Variants in PLPP3 observed in about 807,000 individuals in gnomAD.
The protein encoded by PLPP3 is phospholipid phosphatase 3, also known as PAP2 beta.
A neutral mutation model predicts 29.6 loss-of-function variants in PLPP3; 6 were observed. That is an observed-to-expected ratio of 0.20 (90% CI 0.11 to 0.40). The LOEUF (loss-of-function observed/expected upper bound fraction) is 0.40. PLPP3 is among the 10% of genes least tolerant of loss of function. The pLI is 1.00. For missense variants in PLPP3, 308 were observed against 407.7 expected (o/e 0.76, Z 2.11); for synonymous variants, 152 against 159.7 (o/e 0.95, Z 0.36).
intron 1 of PLPP3, among the ~76,000 whole-genome samples, chr1:56,544,972 C>A (rs1645995290): frequency 6.6e-6 from 1 of 152,178 alleles, no homozygotes; most frequent in African/African-American, 2.4e-5. Flanking sequence ...TTTCTGAGCT[C>A]TTACATAAAT....
At chr1:56,518,715 T>TTACATATA (rs1553136508) in intron 4 of PLPP3, among the ~76,000 whole-genome samples, 1 of 126,668 alleles carries the variant, frequency 7.9e-6, no homozygotes, top group African/African-American at 2.8e-5. Context: ...TTTTAATCAT[T>TTACATATA]TATATATATA....
intron 1 of PLPP3, among the ~76,000 whole-genome samples, chr1:56,574,181 CAG>C (rs1646219392): frequency 6.9e-6 from 1 of 144,870 alleles, no homozygotes; most frequent in South Asian, 2.2e-4. Flanking sequence ...GCCTGGGTGA[CAG>C]AGAAGACTCT....
intron 1 of PLPP3, among the ~76,000 whole-genome samples, chr1:56,545,142 T>C (rs918527985): frequency 1.3e-5 from 2 of 152,200 alleles, no homozygotes; most frequent in Non-Finnish European, 2.9e-5. Context: ...ACAGGATTAA[T>C]TGCTTCTTTA....
chr1:56,537,015 A>C lies in PLPP3; in HGVS notation c.237T>G (p.Thr79=). The C allele has an allele frequency of 6.2e-7, 1 of 1,613,792 alleles. No individual in the cohort carries two copies. Among genetic ancestry groups the C allele is most frequent in the South Asian group, 1.1e-5 (1 of 91,072 alleles). The change falls in exon 2 of 6, where the codon ACT becomes ACG. Residue 79 remains threonine, a synonymous_variant. Transcript: ENST00000371250. ...NDESIKYPLK[T]GETINDAVLC... ...GCACAGCGTCATTTATTGTCTCACC[A>C]GTTTTCAGTGGGTACTTGATGCTCT...
rs1645622137 is a variant in PLPP3, at chr1:56,495,017, T to C, written c.*1534A>G. 6.6e-6 allele frequency: 1 copy of C among 152,642 alleles called. No homozygotes were observed. The highest frequency in any genetic ancestry group is 1.5e-5 in the Non-Finnish European group (1 of 68,046). The allele number at this position is 152,642 out of a possible 1,614,324, so 9.5% of individuals were successfully genotyped here. Reference sequence around the variant, plus strand: ...TAAAAAAATTAACTCAATGCTTTTTTAAGCAGCTAATGTAAATAACACAGG... The same window carrying C: ...TAAAAAAATTAACTCAATGCTTTTTCAAGCAGCTAATGTAAATAACACAGG... On this transcript the variant is annotated 3_prime_UTR_variant, in exon 6 of 6. Coordinates refer to ENST00000371250, the MANE Select transcript of PLPP3 (RefSeq NM_003713.5).
Position 56,523,748 on chromosome 1 carries a change from ATT to A in PLPP3, c.633+73_633+74del. The A allele has an allele frequency of 2.0e-6, 3 of 1,488,616 alleles. No homozygotes were observed. In the Admixed American group the frequency reaches 5.1e-5, roughly 25 times the overall value. The allele number at this position is 1,488,616 out of a possible 1,614,324, so 92.2% of individuals were successfully genotyped here. A position where few individuals can be genotyped will look rare whatever the true frequency, so the allele number is the denominator to read the frequency against. Reference sequence around the variant, plus strand: ...CACAGTGATGGCATGCCCCTAAACTATTTTGAGGGCTATCATATCAGAAGGGA... The same window carrying A: ...CACAGTGATGGCATGCCCCTAAACTATTGAGGGCTATCATATCAGAAGGGA... On this transcript the variant is annotated intron_variant, in intron 4 of 5. Transcript: ENST00000371250.
intron 1 of PLPP3, chr1:56,538,481 C>A: frequency 2.2e-6 from 1 of 445,758 alleles, no homozygotes; most frequent in Non-Finnish European, 4.4e-6. Flanking sequence ...AGAGGAGAGG[C>A]ACCCGATAGA....
At chr1:56,500,465 T>A (rs1035103308) in intron 5 of PLPP3, among the ~76,000 whole-genome samples, 23 of 152,136 alleles carry the variant, frequency 1.5e-4, no homozygotes, top group Non-Finnish European at 3.2e-4. Flanking sequence ...CAGTGAATGC[T>A]AGGATGTTAT....
intron 1 of PLPP3, among the ~76,000 whole-genome samples, chr1:56,565,770 T>TG (rs1646157490): frequency 6.6e-6 from 1 of 152,168 alleles, no homozygotes; most frequent in South Asian, 2.1e-4. Context: ...CAGGACCCAG[T>TG]GGTCTTCCTT....
At chr1:56,554,807 A>C (rs767071731) in intron 1 of PLPP3, among the ~76,000 whole-genome samples, 3 of 152,178 alleles carry the variant, frequency 2.0e-5, no homozygotes, top group Non-Finnish European at 2.9e-5. Context: ...TTTCCAGCTA[A>C]AGGAAAATAA....
At chr1:56,550,955 C>A (rs533418918) in intron 1 of PLPP3, among the ~76,000 whole-genome samples, 4 of 151,966 alleles carry the variant, frequency 2.6e-5, no homozygotes, top group Middle Eastern at 3.2e-3. Flanking sequence ...GAGAGCAAGG[C>A]CCCCGGAATT....
Position 56,524,253 on chromosome 1 carries a change from G to A in PLPP3, c.575+24C>T. 1 of 1,611,802 alleles carries A rather than the reference G, an allele frequency of 6.2e-7. No individual in the cohort carries two copies. The highest frequency in any genetic ancestry group is 1.1e-5 in the South Asian group (1 of 90,930). ...ACTGTATGAAAGGGGTCCAGGCTCTGGCCATGCGGAGGTGGTGTCTCACCT... is the reference window on the plus strand; with the variant it reads ...ACTGTATGAAAGGGGTCCAGGCTCTAGCCATGCGGAGGTGGTGTCTCACCT... On this transcript the variant is annotated intron_variant, in intron 3 of 5. Transcript: ENST00000371250. This position sits in a 1 kb window ranked among gnomAD's most constrained non-coding sequence, Gnocchi z 4.3.
At chr1:56,534,725 T>C (rs1325209574) in intron 2 of PLPP3, among the ~76,000 whole-genome samples, 1 of 152,156 alleles carries the variant, frequency 6.6e-6, no homozygotes, top group Non-Finnish European at 1.5e-5. Context: ...CAAAAGTGAA[T>C]TATCCCCTCC....
Position 56,524,750 on chromosome 1 carries a change from G to A in PLPP3, c.298-196C>T, listed in dbSNP as rs1569879035. On this transcript the variant is annotated intron_variant, in intron 2 of 5. Transcript: ENST00000371250. This position sits in a 1 kb window ranked among gnomAD's most constrained non-coding sequence, Gnocchi z 4.3. The stretch of plus-strand genomic sequence containing the variant: ...GCGCTAATATAGTTGGGTGTTTTAA[G>A]CCCCTTTGTAACAACAAAAATATAC... Among the ~76,000 whole-genome samples, 1 of 151,936 alleles carries A rather than the reference G, an allele frequency of 6.6e-6. No homozygotes were observed. The highest frequency in any genetic ancestry group is 2.1e-4 in the South Asian group (1 of 4,812).
intron 1 of PLPP3, among the ~76,000 whole-genome samples, chr1:56,557,603 T>A (rs1404501993): frequency 6.6e-6 from 1 of 152,190 alleles, no homozygotes; most frequent in East Asian, 1.9e-4. Context: ...TTGGGTCTTG[T>A]AAGAAAACCA....
At chr1:56,514,235 T>TC (rs1235561265) in intron 4 of PLPP3, among the ~76,000 whole-genome samples, 15 of 151,806 alleles carry the variant, frequency 9.9e-5, no homozygotes, top group East Asian at 7.8e-4. Context: ...GAGGCTGGGG[T>TC]CAATTACTAT....
At chr1:56,527,041 C>G (rs1645856844) in intron 2 of PLPP3, among the ~76,000 whole-genome samples, 1 of 152,194 alleles carries the variant, frequency 6.6e-6, no homozygotes, top group African/African-American at 2.4e-5. Context: ...AAATTAGCAT[C>G]TCTTTTATGA....
chr1:56,559,444 G>T (rs995484729), intron 1 of PLPP3, among the ~76,000 whole-genome samples: 13 of 151,816 alleles, frequency 8.6e-5, no homozygotes, highest in African/African-American at 3.1e-4. Flanking sequence ...AAGAGACTAG[G>T]TCTCACTATG....
At chr1:56,540,282 A>ATCTTAAATAT (rs1645959292) in intron 1 of PLPP3, among the ~76,000 whole-genome samples, 2 of 152,168 alleles carry the variant, frequency 1.3e-5, no homozygotes, top group African/African-American at 4.8e-5. Flanking sequence ...CAAGGAACAC[A>ATCTTAAATAT]AAGATGACCC....
Sources: gnomAD v4.1 joint callset for allele counts (sites outside exome capture counted in the v4.1 genomes callset) on GRCh38, gnomAD v4.1.1 for gene constraint, Gnocchi (gnomAD v3.1) non-coding constraint, MANE v1.5 for transcripts, NCBI Gene and HGNC (gene_info 2026-07-23, HGNC 2026-07-21) for gene names.